The following ANKRD17 variants were observed in gnomAD, a reference collection of about 807,000 sequenced individuals.
ANKRD17 encodes the protein ankyrin repeat domain-containing protein 17.
Under a neutral mutation model 229.7 loss-of-function variants are expected in ANKRD17, and 19 were observed. That is an observed-to-expected ratio of 0.08 (90% CI 0.06 to 0.12). The LOEUF is 0.12. ANKRD17 is among the 10% of genes least tolerant of loss of function. ANKRD17 has a pLI of 1.00. For missense variants in ANKRD17, 2,176 were observed against 3,176.8 expected (o/e 0.68, Z 7.57); for synonymous variants, 1,112 against 1,146.1 (o/e 0.97, Z 0.60).
chr4:73,158,669 A>G (rs1334759036), intron 3 of ANKRD17, among the ~76,000 whole-genome samples: 4 of 152,236 alleles, frequency 2.6e-5, no homozygotes, highest in African/African-American at 9.6e-5. Flanking sequence ...GGCCTTTAAG[A>G]GGTGACTGAG....
chr4:73,246,418 A>G (rs1744505201), intron 1 of ANKRD17, among the ~76,000 whole-genome samples: 1 of 152,212 alleles, frequency 6.6e-6, no homozygotes, highest in East Asian at 1.9e-4. Flanking sequence ...CATTTTGTAT[A>G]TATCTTTCAC....
intron 1 of ANKRD17, among the ~76,000 whole-genome samples, chr4:73,206,836 C>T (rs1030586850): frequency 5.9e-5 from 9 of 151,372 alleles, no homozygotes; most frequent in African/African-American, 2.2e-4. Context: ...ATTTTTTTTT[C>T]CCCCAAGACA....
intron 7 of ANKRD17, among the ~76,000 whole-genome samples, chr4:73,150,725 C>G (rs1184856098): frequency 1.3e-5 from 2 of 152,176 alleles, no homozygotes; most frequent in African/African-American, 4.8e-5. Flanking sequence ...GGGGCCCTTT[C>G]TACCGCTGGC....
At chr4:73,094,020 T>C in intron 28 of ANKRD17, 59 bp downstream of exon 28, 1 of 1,530,488 alleles carries the variant, frequency 6.5e-7, no homozygotes, top group Non-Finnish European at 9.0e-7. Context: ...TATGGCTGTA[T>C]TTCATTAAGC....
chr4:73,160,473 C>T (rs1049220698), intron 3 of ANKRD17, among the ~76,000 whole-genome samples: 4 of 152,126 alleles, frequency 2.6e-5, no homozygotes, highest in Admixed American at 2.6e-4. Context: ...CCCGCCTCGG[C>T]CTCCAAAGTG....
chr4:73,092,337 C>T, intron 28 of ANKRD17, 37 bp from the exon 29 acceptor site: 1 of 1,536,454 alleles, frequency 6.5e-7, no homozygotes, highest in Non-Finnish European at 8.8e-7. Context: ...TAGAATTTTC[C>T]CTACTTTTGA....
rs1299117881 is a variant in ANKRD17 at position 73,094,204 on chromosome 4, T to G, written c.5202A>C (p.Ser1734=). ...VRRSKKVSVP[S]TVISRVIGRG... is the part of the protein sequence containing the mutation. ...TTCCAATCACTCTGGATATCACAGT[T>G]GATGGAACAGATACTTTCTTTGACC... is the stretch of plus-strand genomic sequence containing the variant. The change falls in exon 28 of 34, where the codon TCA becomes TCC. Residue 1734 remains serine, a synonymous_variant. Coordinates refer to ENST00000358602, the MANE Select transcript of ANKRD17 (RefSeq NM_032217.5). 9 of 1,613,616 alleles carry G rather than the reference T, an allele frequency of 5.6e-6. No individual in the cohort carries two copies. Among genetic ancestry groups the G allele is most frequent in the Non-Finnish European group, 6.8e-6 (8 of 1,179,690 alleles).
intron 1 of ANKRD17, among the ~76,000 whole-genome samples, chr4:73,223,671 T>C (rs1742145715): frequency 6.6e-6 from 1 of 152,220 alleles, no homozygotes; most frequent in Non-Finnish European, 1.5e-5. Flanking sequence ...AAGCAAGCTA[T>C]AATATTTGAT....
intron 16 of ANKRD17, among the ~76,000 whole-genome samples, chr4:73,126,274 C>T (rs1010458952): frequency 2.0e-5 from 3 of 151,986 alleles, no homozygotes; most frequent in African/African-American, 7.3e-5. Flanking sequence ...TTATCCCAGG[C>T]CAGGAAAGGA....
At chr4:73,185,379 C>G (rs992533774) in intron 1 of ANKRD17, among the ~76,000 whole-genome samples, 2 of 151,530 alleles carry the variant, frequency 1.3e-5, no homozygotes, top group Non-Finnish European at 2.9e-5. Context: ...AATTTTAAAC[C>G]AGTAATCTAC....
chr4:73,151,569 C>A, intron 6 of ANKRD17, 45 bp from the exon 7 acceptor site: 4 of 1,289,268 alleles, frequency 3.1e-6, no homozygotes, highest in South Asian at 3.6e-5. Context: ...TTTTATTATT[C>A]CAAAATATTT....
chr4:73,245,147 T>A (rs556920748), intron 1 of ANKRD17, among the ~76,000 whole-genome samples: 5 of 152,340 alleles, frequency 3.3e-5, no homozygotes, highest in African/African-American at 1.2e-4. Context: ...AATAACTTTG[T>A]GAGTTCAAGG....
In ANKRD17 at chr4:73,142,914, G is replaced by A. The variant is rs551998988; in HGVS notation, c.1958-147C>T. 26 of 826,064 alleles carry A rather than the reference G, an allele frequency of 3.1e-5. No homozygotes were observed. In the Admixed American group the frequency reaches 8.3e-4, roughly 26 times the overall value. The allele number at this position is 826,064 out of a possible 1,614,324, so 51.2% of individuals were successfully genotyped here. On this transcript the variant is annotated intron_variant, in intron 11 of 33. Coordinates refer to ENST00000358602, the MANE Select transcript of ANKRD17 (RefSeq NM_032217.5). ...GAGCTTTAATGATTATAAACACAAG[G>A]CCAATCTCATTTCACAAATATCCTA...
chr4:73,186,467 C>G (rs1736307309), intron 1 of ANKRD17, among the ~76,000 whole-genome samples: 1 of 152,066 alleles, frequency 6.6e-6, no homozygotes, highest in African/African-American at 2.4e-5. Flanking sequence ...TTCAAAAAGT[C>G]TATTTACAGA....
Position 73,102,527 on chromosome 4 carries a change from C to A in ANKRD17, c.4422G>T (p.Arg1474Ser). Reference sequence around the variant, plus strand: ...TTTCTCTTTTCGCAGCCAAAGCCAGCCTCCGACTTTCTTCCCTTAACTGTT... The same window carrying A: ...TTTCTCTTTTCGCAGCCAAAGCCAGACTCCGACTTTCTTCCCTTAACTGTT... ...DLEKLREESRRLALAAKREKR... is the reference protein window; with the variant it reads ...DLEKLREESRSLALAAKREKR... The change falls in exon 25 of 34, where the codon AGG becomes AGT. Residue 1474 changes from arginine (R) to serine (S), a missense_variant. By Grantham distance (110) the Arg-to-Ser change is moderately radical. Coordinates refer to ENST00000358602, the MANE Select transcript of ANKRD17 (RefSeq NM_032217.5). The A allele has an allele frequency of 6.3e-7, 1 of 1,599,094 alleles. No homozygotes were observed. The highest frequency in any genetic ancestry group is 8.5e-7 in the Non-Finnish European group (1 of 1,177,098).
At chr4:73,171,218 A>AGAGAGAGAGAGG (rs1560646272) in intron 2 of ANKRD17, among the ~76,000 whole-genome samples, 11 of 150,760 alleles carry the variant, frequency 7.3e-5, no homozygotes, top group African/African-American at 2.0e-4. Flanking sequence ...AGAGAGAGAG[A>AGAGAGAGAGAGG]GAGACTGAGA....
chr4:73,147,255 T>C lies in ANKRD17; in HGVS notation c.1745A>G (p.Tyr582Cys). Residue 582 changes from tyrosine to cysteine, a missense_variant, in exon 9 of 34, where the codon TAC becomes TGC. Around this residue, in one of 18 missense-constraint regions of ANKRD17, gnomAD observed 275 missense variants for 386.9 expected, o/e 0.71. Transcript: ENST00000358602. ...AAAATGCCTACCTGCAGCTAATAAG[T>C]ATTTAACTAACTCCAAATGACCCTC... is the stretch of plus-strand genomic sequence containing the variant. ...AQEGHLELVK[Y>C]LLAAGANVHA... The C allele has an allele frequency of 6.4e-7, 1 of 1,559,438 alleles. No homozygotes were observed. The highest frequency in any genetic ancestry group is 8.7e-7 in the Non-Finnish European group (1 of 1,155,900).
chr4:73,113,749 T>C (rs1682088808), intron 24 of ANKRD17, 43 bp downstream of exon 24: 2 of 1,359,658 alleles, frequency 1.5e-6, no homozygotes, highest in Non-Finnish European at 2.1e-6. Context: ...GAAAACAAGA[T>C]GGAAAAAAGT....
chr4:73,223,880 G>T (rs190611033), intron 1 of ANKRD17, among the ~76,000 whole-genome samples: 387 of 152,204 alleles, frequency 2.5e-3, no homozygotes, highest in Non-Finnish European at 4.3e-3. Flanking sequence ...TCCTGTAATT[G>T]ATCTTCCATT....
Sources: gnomAD v4.1 joint callset for allele counts (sites outside exome capture counted in the v4.1 genomes callset) on GRCh38, gnomAD v4.1.1 for gene constraint, gnomAD v4.1.1 regional missense constraint, MANE v1.5 for transcripts, NCBI Gene and HGNC (gene_info 2026-07-23, HGNC 2026-07-21) for gene names.